The following FLRT3 variants were observed in gnomAD, a reference collection of about 807,000 sequenced individuals.
FLRT3 encodes leucine-rich repeat transmembrane protein FLRT3.
In FLRT3, 17 loss-of-function variants were observed where a neutral mutation model predicts 42.6. That is an observed-to-expected ratio of 0.40 (90% CI 0.27 to 0.60). The LOEUF (loss-of-function observed/expected upper bound fraction) is 0.60, where lower values mean the gene tolerates loss of function less well. Among genes scored for constraint, FLRT3 ranks in the 20% least tolerant of loss-of-function variants. The pLI is 0.44. For synonymous variants in FLRT3, 279 were observed against 286.4 expected (o/e 0.97, Z 0.26); for missense variants, 635 against 789.2 (o/e 0.80, Z 2.34).
chr20:14,335,185 C>T (rs1180438312), intron 1 of FLRT3, among the ~76,000 whole-genome samples: 3 of 152,166 alleles, frequency 2.0e-5, no homozygotes, highest in Non-Finnish European at 4.4e-5. Context: ...CTCTGCAGTG[C>T]ACTTGCATGT....
intron 1 of FLRT3, among the ~76,000 whole-genome samples, chr20:14,331,981 A>G (rs920011781): frequency 1.3e-5 from 2 of 152,186 alleles, no homozygotes; most frequent in African/African-American, 4.8e-5. Flanking sequence ...GATCTTTTAG[A>G]AAAATACTGT....
chr20:14,324,721 TGCA>T lies in FLRT3; in HGVS notation c.*833_*835del, dbSNP rs1288969956. The T allele has an allele frequency of 6.6e-6, 1 of 152,124 alleles. No homozygotes were observed. The highest frequency in any genetic ancestry group is 1.5e-5 in the Non-Finnish European group (1 of 68,014). The allele number at this position is 152,124 out of a possible 1,614,324, so 9.4% of individuals were successfully genotyped here. A position where few individuals can be genotyped will look rare whatever the true frequency, so the allele number is the denominator to read the frequency against. ...CAGGATGGTATAGGCAAAACCAAAATGCAGTTTTGGTATTTGTGTTCATTACAC... is the reference window on the plus strand; with the variant it reads ...CAGGATGGTATAGGCAAAACCAAAATGTTTTGGTATTTGTGTTCATTACAC... On this transcript the variant is annotated 3_prime_UTR_variant, in exon 3 of 3. Transcript: ENST00000341420.
intron 1 of FLRT3, among the ~76,000 whole-genome samples, chr20:14,330,165 C>T (rs1275380422): frequency 1.3e-5 from 2 of 151,964 alleles, no homozygotes; most frequent in Non-Finnish European, 2.9e-5. Context: ...TGAATATTGC[C>T]AGTTTTTAAT....
In FLRT3 at chr20:14,325,406, G is replaced by C; in HGVS notation, c.*151C>G. 2.7e-6 allele frequency: 2 copies of C among 729,860 alleles called. No homozygotes were observed. The highest frequency in any genetic ancestry group is 4.1e-6 in the Non-Finnish European group (2 of 487,930). 45.2% of individuals were successfully genotyped at this position (729,860 alleles called of 1,614,324 possible). A position where few individuals can be genotyped will look rare whatever the true frequency, so the allele number is the denominator to read the frequency against. ...TGAAATTTGAAACTTTTAATAAAAA[G>C]TTCTTAAATATAAATTATATGGCAA... On this transcript the variant is annotated 3_prime_UTR_variant, in exon 3 of 3. Coordinates refer to ENST00000341420, the MANE Select transcript of FLRT3 (RefSeq NM_198391.3).
rs926429773 is a variant in FLRT3 at position 14,326,130 on chromosome 20, C to T, written c.1377G>A (p.Gly459=). The change falls in exon 3 of 3, where the codon GGG becomes GGA. Residue 459 remains glycine, a synonymous_variant. Coordinates refer to ENST00000341420, the MANE Select transcript of FLRT3 (RefSeq NM_198391.3). The surrounding 1 kb of genome is among the most constrained non-coding windows in gnomAD (Gnocchi z 5.5). ...CTGTGACCAAGTACTCACTGCGTTC[C>T]CCTGTTACAATTGTTTCTGTTATAG... is the stretch of plus-strand genomic sequence containing the variant. ...FGSITETIVT[G]ERSEYLVTAL... 3 of 1,613,800 alleles carry T rather than the reference C, an allele frequency of 1.9e-6. No homozygotes were observed. Among genetic ancestry groups the T allele is most frequent in the African/African-American group, 1.3e-5 (1 of 75,002 alleles).
At chr20:14,337,336 C>G in intron 1 of FLRT3, 68 bp downstream of exon 1, 198 of 247,968 alleles carry the variant, frequency 8.0e-4, no homozygotes, top group Middle Eastern at 1.2e-3. Flanking sequence ...CAAGTCGTTT[C>G]TTTCTAGAGA....
rs2082790353 is a variant in FLRT3 at position 14,329,200 on chromosome 20, C to CT, written c.-120_-119insA. ...TTTTTCAGAATGTCTGGTGCAGTCACGTTATACAAGAACAGGTATTCTCTT... is the reference window on the plus strand; with the variant it reads ...TTTTTCAGAATGTCTGGTGCAGTCACTGTTATACAAGAACAGGTATTCTCTT... On this transcript the variant is annotated 5_prime_UTR_variant, in exon 2 of 3. Coordinates refer to ENST00000341420, the MANE Select transcript of FLRT3 (RefSeq NM_198391.3). 6.6e-6 allele frequency: 1 copy of CT among 151,974 alleles called. No individual in the cohort carries two copies. Among genetic ancestry groups the CT allele is most frequent in the Non-Finnish European group, 1.5e-5 (1 of 67,976 alleles). The allele number at this position is 151,974 out of a possible 1,614,324, so 9.4% of individuals were successfully genotyped here. A position where few individuals can be genotyped will look rare whatever the true frequency, so the allele number is the denominator to read the frequency against.
intron 1 of FLRT3, 25 bp downstream of exon 1, chr20:14,337,379 A>G (rs549922833): frequency 1.5e-4 from 51 of 343,494 alleles, no homozygotes; most frequent in Non-Finnish European, 2.2e-4. Flanking sequence ...GGACAATCAT[A>G]AGAAAAAACA....
chr20:14,336,634 T>C (rs901353135), intron 1 of FLRT3, among the ~76,000 whole-genome samples: 1 of 152,238 alleles, frequency 6.6e-6, no homozygotes, highest in Admixed American at 6.5e-5. Context: ...CCAAACTCAC[T>C]GCATACATCA....
At position 14,326,827 on chromosome 20, in the gene FLRT3, A is replaced by C; in HGVS notation, c.680T>G (p.Leu227Trp). The change falls in exon 3 of 3, where the codon TTG (leucine) becomes TGG (tryptophan). Residue 227 changes from leucine (L) to tryptophan (W), a missense_variant. By Grantham distance (61) the Leu-to-Trp change is moderately conservative. Transcript: ENST00000341420. The surrounding 1 kb of genome is among the most constrained non-coding windows in gnomAD (Gnocchi z 5.5). ...ATTCCGCACCAGGGACAGCTCTGTC[A>C]AATTAACTAGGTTGAAGAAAACTTT... ...GDKVFFNLVN[L>W]TELSLVRNSL... 1 of 1,613,766 alleles carries C rather than the reference A, an allele frequency of 6.2e-7. No homozygotes were observed. Among genetic ancestry groups the C allele is most frequent in the Non-Finnish European group, 8.5e-7 (1 of 1,179,812 alleles).
chr20:14,328,544 T>A (rs1294775814), intron 2 of FLRT3, among the ~76,000 whole-genome samples: 1 of 152,168 alleles, frequency 6.6e-6, no homozygotes, highest in Non-Finnish European at 1.5e-5. Flanking sequence ...CCTTTGTAAT[T>A]TTAGGCATGA....
rs1238862563 is a variant in FLRT3 at position 14,337,547 on chromosome 20, T to G, written c.-390A>C. 13 of 398,530 alleles carry G rather than the reference T, an allele frequency of 3.3e-5. No homozygotes were observed. The East Asian group carries it at 4.6e-4, about 14-fold the overall frequency. 24.7% of individuals were successfully genotyped at this position (398,530 alleles called of 1,614,324 possible). A position where few individuals can be genotyped will look rare whatever the true frequency, so the allele number is the denominator to read the frequency against. The stretch of plus-strand genomic sequence containing the variant: ...AGCCCACGGCAGCTGCAGGCTGAGC[T>G]TGTCCTGCTTCAGATCACTCCTACA... On this transcript the variant is annotated 5_prime_UTR_variant, in exon 1 of 3. Transcript: ENST00000341420.
At chr20:14,333,928 C>T (rs1415861282) in intron 1 of FLRT3, among the ~76,000 whole-genome samples, 1 of 152,108 alleles carries the variant, frequency 6.6e-6, no homozygotes, top group African/African-American at 2.4e-5. Flanking sequence ...TCAAAGTTGC[C>T]TCGGTAACTT....
intron 1 of FLRT3, among the ~76,000 whole-genome samples, chr20:14,335,556 C>CA (rs2082920539): frequency 6.6e-6 from 1 of 152,016 alleles, no homozygotes; most frequent in African/African-American, 2.4e-5. Flanking sequence ...ATTTGCTATC[C>CA]AATTATATAT....
rs1423081468 is a variant in FLRT3, at chr20:14,325,370, C to T, written c.*187G>A. 6 of 522,940 alleles carry T rather than the reference C, an allele frequency of 1.1e-5. No individual in the cohort carries two copies. The African/African-American group carries it at 1.2e-4, about 10-fold the overall frequency. The allele number at this position is 522,940 out of a possible 1,614,324, so 32.4% of individuals were successfully genotyped here. A position where few individuals can be genotyped will look rare whatever the true frequency, so the allele number is the denominator to read the frequency against. The stretch of plus-strand genomic sequence containing the variant: ...TCAGGCATCTCCACTACATCAATCG[C>T]AGCAGTAACCTGAAATTTGAAACTT... On this transcript the variant is annotated 3_prime_UTR_variant, in exon 3 of 3. Transcript: ENST00000341420.
chr20:14,328,981 T>G (rs756564472), intron 2 of FLRT3, 153 bp downstream of exon 2: 4 of 152,074 alleles, frequency 2.6e-5, no homozygotes, highest in Non-Finnish European at 5.9e-5. Context: ...TGGTCAGAGA[T>G]AGTAACTTCA....
At chr20:14,328,051 G>A (rs913399566) in intron 2 of FLRT3, among the ~76,000 whole-genome samples, 3 of 151,948 alleles carry the variant, frequency 2.0e-5, no homozygotes, top group African/African-American at 7.2e-5. Flanking sequence ...GTAGAAAAAT[G>A]TCATAAAAAT....
intron 1 of FLRT3, among the ~76,000 whole-genome samples, chr20:14,336,575 A>G (rs1372564379): frequency 1.3e-5 from 2 of 152,198 alleles, no homozygotes; most frequent in African/African-American, 4.8e-5. Flanking sequence ...ATCCTCTGCA[A>G]AACCCACTTG....
intron 1 of FLRT3, among the ~76,000 whole-genome samples, chr20:14,336,504 T>TTG (rs928358312): frequency 2.0e-5 from 3 of 152,238 alleles, no homozygotes; most frequent in African/African-American, 7.2e-5. Flanking sequence ...TTTTCAAGCT[T>TTG]TGTAGTATAA....
Sources: gnomAD v4.1 joint callset for allele counts (sites outside exome capture counted in the v4.1 genomes callset) on GRCh38, gnomAD v4.1.1 for gene constraint, Gnocchi (gnomAD v3.1) non-coding constraint, MANE v1.5 for transcripts, NCBI Gene and HGNC (gene_info 2026-07-23, HGNC 2026-07-21) for gene names.